Variants in ZDBF2 observed in about 807,000 individuals in gnomAD.
ZDBF2 encodes zinc finger DBF-type containing 2, also known as DBF4-type zinc finger-containing protein 2.
In ZDBF2, 6 loss-of-function variants were observed where a neutral mutation model predicts 9.4. The observed-to-expected ratio is 0.64, with a 90% CI of 0.35 to 1.27. ZDBF2 has a LOEUF of 1.27. ZDBF2 is among the 50% of genes most tolerant of loss of function. The pLI is 0.03. For synonymous variants in ZDBF2, 905 were observed against 946.3 expected (o/e 0.96, Z 0.80); for missense variants, 2,697 against 2,766.8 (o/e 0.97, Z 0.57).
chr2:206,283,393 G>T (rs56023087), intron 3 of ZDBF2, among the ~76,000 whole-genome samples: 40,555 of 150,760 alleles, frequency 0.27, 6,064 homozygotes, highest in Non-Finnish European at 0.35. Flanking sequence ...GTTTTTTGTT[G>T]TTGTTGTTGT....
chr2:206,283,791 G>A (rs570915754), intron 3 of ZDBF2, among the ~76,000 whole-genome samples: 1 of 152,168 alleles, frequency 6.6e-6, no homozygotes, highest in African/African-American at 2.4e-5. Flanking sequence ...AGCCTCCCAA[G>A]TACCTGGGAC....
chr2:206,310,535 A>C lies in ZDBF2; in HGVS notation c.6007A>C (p.Met2003Leu). 1 of 1,613,726 alleles carries C rather than the reference A, an allele frequency of 6.2e-7. No individual in the cohort carries two copies. Among genetic ancestry groups the C allele is most frequent in the Non-Finnish European group, 8.5e-7 (1 of 1,179,806 alleles). ...PASCTKVLKPMQPKALVCVLS... is the reference protein window; with the variant it reads ...PASCTKVLKPLQPKALVCVLS... ...ATCATGTACTAAAGTTTTGAAGCCTATGCAACCCAAAGCCTTAGTCTGTGT... is the reference window on the plus strand; with the variant it reads ...ATCATGTACTAAAGTTTTGAAGCCTCTGCAACCCAAAGCCTTAGTCTGTGT... The change falls in exon 5 of 5, where the codon ATG (methionine) becomes CTG (leucine). Residue 2003 changes from methionine (M) to leucine (L), a missense_variant. This residue lies in a region of ZDBF2 where 1,783 missense variants were observed against 1,776.5 expected (regional missense o/e 1.00). Coordinates refer to ENST00000374423, the MANE Select transcript of ZDBF2 (RefSeq NM_020923.3).
rs371300496 is a variant in ZDBF2, at chr2:206,309,365, C to T, written c.4837C>T (p.Leu1613=). Residue 1613 remains leucine, a synonymous_variant, in exon 5 of 5, where the codon CTG becomes TTG. Coordinates refer to ENST00000374423, the MANE Select transcript of ZDBF2 (RefSeq NM_020923.3). ...AAACCGGAAGAAGGACTATATTATT[C>T]TGGGAGAGCCAAGTTGTCAATCTTG... ...IINRKKDYII[L]GEPSCQSCGS... is the part of the protein sequence containing the mutation. 2.5e-6 allele frequency: 4 copies of T among 1,613,340 alleles called. No individual in the cohort carries two copies. Among genetic ancestry groups the T allele is most frequent in the Non-Finnish European group, 3.4e-6 (4 of 1,179,680 alleles).
Position 206,307,130 on chromosome 2 carries a change from A to G in ZDBF2, c.2602A>G (p.Ser868Gly). 1 of 1,612,870 alleles carries G rather than the reference A, an allele frequency of 6.2e-7. No homozygotes were observed. Among genetic ancestry groups the G allele is most frequent in the Non-Finnish European group, 8.5e-7 (1 of 1,179,544 alleles). ...CTTAGAAAGGAAGAATGATGAACCC[A>G]GTGGTTCTGAAATAAGTTCGGATTC... ...IHLERKNDEP[S>G]GSEISSDSHA... Residue 868 changes from serine (S) to glycine (G), a missense_variant, in exon 5 of 5, where the codon AGT becomes GGT. Transcript: ENST00000374423.
Position 206,310,439 on chromosome 2 carries a change from A to G in ZDBF2, c.5911A>G (p.Lys1971Glu). The G allele has an allele frequency of 1.9e-6, 3 of 1,614,004 alleles. No homozygotes were observed. The highest frequency in any genetic ancestry group is 2.5e-6 in the Non-Finnish European group (3 of 1,179,896). ...IRQEEDPPKS[K>E]CSRLQDDRKT... The stretch of plus-strand genomic sequence containing the variant: ...ACAAGAGGAAGACCCACCAAAAAGT[A>G]AGTGTTCACGTTTACAGGATGACAG... The change falls in exon 5 of 5, where the codon AAG (lysine) becomes GAG (glutamate). Residue 1971 changes from lysine (K) to glutamate (E), a missense_variant. Physicochemically the swap from Lys to Glu is moderately conservative, Grantham distance 56 (BLOSUM62 1). Coordinates refer to ENST00000374423, the MANE Select transcript of ZDBF2 (RefSeq NM_020923.3).
Position 206,311,757 on chromosome 2 carries a change from G to A in ZDBF2, c.*164G>A. 1 of 673,154 alleles carries A rather than the reference G, an allele frequency of 1.5e-6. No individual in the cohort carries two copies. The highest frequency in any genetic ancestry group is 2.1e-6 in the Non-Finnish European group (1 of 470,962). The allele number at this position is 673,154 out of a possible 1,614,324, so 41.7% of individuals were successfully genotyped here. On this transcript the variant is annotated 3_prime_UTR_variant, in exon 5 of 5. Coordinates refer to ENST00000374423, the MANE Select transcript of ZDBF2 (RefSeq NM_020923.3). ...ATTTTTATATTCATTTAAAATTAGT[G>A]TTTAGAGTCCTTTCATTTTAAGATT... is the stretch of plus-strand genomic sequence containing the variant.
Position 206,311,139 on chromosome 2 carries a change from C to G in ZDBF2, c.6611C>G (p.Pro2204Arg), listed in dbSNP as rs1226844204. 6.2e-7 allele frequency: 1 copy of G among 1,613,436 alleles called. No individual in the cohort carries two copies. Among genetic ancestry groups the G allele is most frequent in the African/African-American group, 1.3e-5 (1 of 74,872 alleles). Reference protein sequence around the residue: ...VYKPIILQQKPRKASEKQSIW... With the variant: ...VYKPIILQQKRRKASEKQSIW... The stretch of plus-strand genomic sequence containing the variant: ...AAACCAATTATTCTCCAGCAAAAAC[C>G]CAGAAAAGCTTCAGAGAAACAGTCA... Residue 2204 changes from proline (P) to arginine (R), a missense_variant, in exon 5 of 5, where the codon CCC (proline) becomes CGC (arginine). Transcript: ENST00000374423.
chr2:206,279,511 C>G (rs1691202142), intron 1 of ZDBF2, 29 bp from the exon 2 acceptor site: 2 of 152,108 alleles, frequency 1.3e-5, no homozygotes, highest in Non-Finnish European at 2.9e-5. Flanking sequence ...GGGACCTCTT[C>G]TAAAAAATGA....
At chr2:206,297,110 C>G (rs1692216034) in intron 3 of ZDBF2, 136 bp from the exon 4 acceptor site, 2 of 483,696 alleles carry the variant, frequency 4.1e-6, no homozygotes, top group South Asian at 7.9e-5. Flanking sequence ...TTTTTAGATG[C>G]AAATTTCAGA....
chr2:206,296,314 A>G (rs986928281), intron 3 of ZDBF2, among the ~76,000 whole-genome samples: 1 of 152,214 alleles, frequency 6.6e-6, no homozygotes, highest in Non-Finnish European at 1.5e-5. Context: ...GACATGAATC[A>G]TCCATTTGTC....
At chr2:206,275,374 C>T (rs142222286) in intron 1 of ZDBF2, among the ~76,000 whole-genome samples, 2,548 of 152,318 alleles carry the variant, frequency 0.017, 51 homozygotes, top group African/African-American at 0.042. Flanking sequence ...CCCCTTCCCC[C>T]AGTGCCCTGC....
In ZDBF2 at chr2:206,297,391, A is replaced by G; in HGVS notation, c.188+18A>G. 1.2e-6 allele frequency: 2 copies of G among 1,605,680 alleles called. No individual in the cohort carries two copies. On this transcript the variant is annotated intron_variant, in intron 4 of 4. Transcript: ENST00000374423. ...GAGAGCAGGTAAAGTAGTTGATTGG[A>G]ATAATATTTATACGTAGTTATATGT... is the stretch of plus-strand genomic sequence containing the variant.
At position 206,309,852 on chromosome 2, in the gene ZDBF2, A is replaced by C. The variant is rs747360934; in HGVS notation, c.5324A>C (p.Lys1775Thr). Residue 1775 changes from lysine (K) to threonine (T), a missense_variant, in exon 5 of 5, where the codon AAG becomes ACG. Lys to Thr is a moderately conservative substitution (Grantham distance 78). Transcript: ENST00000374423. ...ETVKKRHPCK[K>T]VSSDLKEKNH... ...GTTAAGAAAAGACACCCTTGTAAGA[A>C]GGTATCTTCTGACTTGAAAGAAAAG... 9 of 1,613,856 alleles carry C rather than the reference A, an allele frequency of 5.6e-6. No homozygotes were observed. In the East Asian group the frequency reaches 2.0e-4, roughly 36 times the overall value.
At chr2:206,294,387 G>A (rs1166206502) in intron 3 of ZDBF2, among the ~76,000 whole-genome samples, 2 of 152,158 alleles carry the variant, frequency 1.3e-5, no homozygotes, top group African/African-American at 2.4e-5. Flanking sequence ...CTAAAGGAAC[G>A]GATACCTTAT....
At chr2:206,285,942 A>G (rs572264734) in intron 3 of ZDBF2, among the ~76,000 whole-genome samples, 3 of 152,344 alleles carry the variant, frequency 2.0e-5, no homozygotes, top group African/African-American at 7.2e-5. Context: ...TGCCTTTGTC[A>G]AAAATCAGTT....
chr2:206,288,678 AGCCAGGACCTGTAACTTTTAG>A (rs1244153615), intron 3 of ZDBF2, among the ~76,000 whole-genome samples: 2 of 152,070 alleles, frequency 1.3e-5, no homozygotes, highest in Non-Finnish European at 2.9e-5. Context: ...TTGCCCACAG[AGCCAGGACCTGTAACTTTTAG>A]GCACCCCCTA....
At chr2:206,292,250 C>A in intron 3 of ZDBF2, 1 of 394,540 alleles carries the variant, frequency 2.5e-6, no homozygotes, top group East Asian at 3.6e-5. Context: ...ATAAAAGTAA[C>A]AAGTAATTTT....
chr2:206,293,610 CAGAG>C (rs138509647), intron 3 of ZDBF2, among the ~76,000 whole-genome samples: 2 of 152,120 alleles, frequency 1.3e-5, no homozygotes. Context: ...ATTTGAAAAA[CAGAG>C]AGACTTGAAC....
At chr2:206,285,457 C>T (rs1691553937) in intron 3 of ZDBF2, among the ~76,000 whole-genome samples, 1 of 152,084 alleles carries the variant, frequency 6.6e-6, no homozygotes, top group Non-Finnish European at 1.5e-5. Flanking sequence ...TGAGAGATGT[C>T]TTTTCAGCTT....
Sources: gnomAD v4.1 joint callset for allele counts (sites outside exome capture counted in the v4.1 genomes callset) on GRCh38, gnomAD v4.1.1 for gene constraint, gnomAD v4.1.1 regional missense constraint, MANE v1.5 for transcripts, NCBI Gene and HGNC (gene_info 2026-07-23, HGNC 2026-07-21) for gene names.